Variants in LRRC14 observed in about 807,000 individuals in gnomAD.
The protein encoded by LRRC14 is leucine rich repeat containing 14.
In LRRC14, 16 loss-of-function variants were observed where a neutral mutation model predicts 25.3. The ratio of observed to expected loss-of-function variants is 0.63; its 90% CI spans 0.43 to 0.96. LRRC14 has a LOEUF of 0.96. LRRC14 is among the 40% of genes least tolerant of loss of function. The pLI is 0.00. For missense variants in LRRC14, 594 were observed against 660.5 expected, an observed-to-expected ratio of 0.90 and a Z score of 1.10; for synonymous variants, 359 against 295.1, an observed-to-expected ratio of 1.22 and a Z score of -2.22.
At position 144,522,551 on chromosome 8, in the gene LRRC14, G is replaced by A. The variant is rs1397012465; in HGVS notation, c.*1073G>A. 6.5e-7 allele frequency: 1 copy of A among 1,535,510 alleles called. No individual in the cohort carries two copies. The highest frequency in any genetic ancestry group is 1.2e-5 in the South Asian group (1 of 82,284). On this transcript the variant is annotated 3_prime_UTR_variant, in exon 4 of 4. Coordinates refer to ENST00000292524, the MANE Select transcript of LRRC14 (RefSeq NM_014665.4). The stretch of plus-strand genomic sequence containing the variant: ...CGCCCCCTGTTCCGGGCCGCAGTCA[G>A]CGGGCGCCTCCGCCGGACCCTCGGC...
In LRRC14 at chr8:144,521,106, G is replaced by C; in HGVS notation, c.1110G>C (p.Leu370=). 6.2e-7 allele frequency: 1 copy of C among 1,613,092 alleles called. No homozygotes were observed. The highest frequency in any genetic ancestry group is 8.5e-7 in the Non-Finnish European group (1 of 1,180,034). ...CATCAGCAGCCACACTGTTGCATCT[G>C]GAGCTGACTGAGTGTCAGCTCGCAG... ...LQASAATLLH[L]ELTECQLADT... The change falls in exon 4 of 4, where the codon CTG becomes CTC. Residue 370 remains leucine, a synonymous_variant. Coordinates refer to ENST00000292524, the MANE Select transcript of LRRC14 (RefSeq NM_014665.4).
Position 144,524,720 on chromosome 8 carries a change from C to G in LRRC14, c.*3242C>G. On this transcript the variant is annotated 3_prime_UTR_variant, in exon 4 of 4. Transcript: ENST00000292524. ...TGTTGTTGTCCTGCAGGAACAGTGT[C>G]TGCAGGCCGGGGAAAGAGGAGGCGC... 6.9e-7 allele frequency: 1 copy of G among 1,448,894 alleles called. No individual in the cohort carries two copies. Among genetic ancestry groups the G allele is most frequent in the Non-Finnish European group, 9.0e-7 (1 of 1,108,314 alleles). The allele number at this position is 1,448,894 out of a possible 1,614,324, so 89.8% of individuals were successfully genotyped here. A position where few individuals can be genotyped will look rare whatever the true frequency, so the allele number is the denominator to read the frequency against.
rs1162044407 is a variant in LRRC14, at chr8:144,521,664, G to C, written c.*186G>C. ...TGCAGTGCCCCACGCGGTTTTCCCTGCACTTGCTCCATAATTGGCTGATCA... is the reference window on the plus strand; with the variant it reads ...TGCAGTGCCCCACGCGGTTTTCCCTCCACTTGCTCCATAATTGGCTGATCA... On this transcript the variant is annotated 3_prime_UTR_variant, in exon 4 of 4. Coordinates refer to ENST00000292524, the MANE Select transcript of LRRC14 (RefSeq NM_014665.4). 16 of 619,692 alleles carry C rather than the reference G, an allele frequency of 2.6e-5. No individual in the cohort carries two copies. Among genetic ancestry groups the C allele is most frequent in the South Asian group, 1.4e-4 (7 of 49,018 alleles). 38.4% of individuals were successfully genotyped at this position (619,692 alleles called of 1,614,324 possible). A position where few individuals can be genotyped will look rare whatever the true frequency, so the allele number is the denominator to read the frequency against.
rs1816316652 is a variant in LRRC14, at chr8:144,525,140, A to AAAC, written c.*3663_*3665dup. ...TTTTGACGCTATAAATAGGTTCAAGAAACTAATAAAACGTTCTGGTTTTCT... is the reference window on the plus strand; with the variant it reads ...TTTTGACGCTATAAATAGGTTCAAGAAACAACTAATAAAACGTTCTGGTTTTCT... On this transcript the variant is annotated 3_prime_UTR_variant, in exon 4 of 4. Coordinates refer to ENST00000292524, the MANE Select transcript of LRRC14 (RefSeq NM_014665.4). The AAAC allele has an allele frequency of 1.6e-6, 1 of 628,242 alleles. No individual in the cohort carries two copies. The highest frequency in any genetic ancestry group is 3.4e-5 in the East Asian group (1 of 29,432). The allele number at this position is 628,242 out of a possible 1,614,324, so 38.9% of individuals were successfully genotyped here. A position where few individuals can be genotyped will look rare whatever the true frequency, so the allele number is the denominator to read the frequency against.
chr8:144,522,341 G>T lies in LRRC14; in HGVS notation c.*863G>T. 7.8e-7 allele frequency: 1 copy of T among 1,279,446 alleles called. No homozygotes were observed. Among genetic ancestry groups the T allele is most frequent in the Non-Finnish European group, 1.0e-6 (1 of 997,990 alleles). The allele number at this position is 1,279,446 out of a possible 1,614,324, so 79.3% of individuals were successfully genotyped here. On this transcript the variant is annotated 3_prime_UTR_variant, in exon 4 of 4. Coordinates refer to ENST00000292524, the MANE Select transcript of LRRC14 (RefSeq NM_014665.4). ...CTTCCATTGCTACCCCAGGATTCCC[G>T]AGTGCAACGTTCCCGGCTCGCGCCC...
At position 144,524,755 on chromosome 8, in the gene LRRC14, T is replaced by G; in HGVS notation, c.*3277T>G. On this transcript the variant is annotated 3_prime_UTR_variant, in exon 4 of 4. Coordinates refer to ENST00000292524, the MANE Select transcript of LRRC14 (RefSeq NM_014665.4). ...GGGAAAGAGGAGGCGCTTACCCCGTTGCGGGGGTCTTCCTCTCCCTGGGGG... is the reference window on the plus strand; with the variant it reads ...GGGAAAGAGGAGGCGCTTACCCCGTGGCGGGGGTCTTCCTCTCCCTGGGGG... The G allele has an allele frequency of 7.0e-7, 1 of 1,434,066 alleles. No homozygotes were observed. Among genetic ancestry groups the G allele is most frequent in the Non-Finnish European group, 9.1e-7 (1 of 1,099,464 alleles). 88.8% of individuals were successfully genotyped at this position (1,434,066 alleles called of 1,614,324 possible).
chr8:144,522,034 G>GTT lies in LRRC14; in HGVS notation c.*564_*565dup. ...GTGCCTGGAAGTTGAATTTGTGGCT[G>GTT]TTTTTTTTTCTGTCCACGTTGGTCA... On this transcript the variant is annotated 3_prime_UTR_variant, in exon 4 of 4. Coordinates refer to ENST00000292524, the MANE Select transcript of LRRC14 (RefSeq NM_014665.4). The GTT allele has an allele frequency of 2.8e-5, 5 of 178,860 alleles. No individual in the cohort carries two copies. The highest frequency in any genetic ancestry group is 5.8e-5 in the Non-Finnish European group (5 of 86,596). The allele number at this position is 178,860 out of a possible 1,614,324, so 11.1% of individuals were successfully genotyped here.
Position 144,522,704 on chromosome 8 carries a change from GGCCCCCGC to G in LRRC14, c.*1230_*1237del, listed in dbSNP as rs756767740. On this transcript the variant is annotated 3_prime_UTR_variant, in exon 4 of 4. Transcript: ENST00000292524. ...GACGAACAGCGCTCCCTCCCCCGGA[GGCCCCCGC>G]GCCTTTTTTCGCCTGCGGCGCCGGC... 1 of 1,596,740 alleles carries G rather than the reference GGCCCCCGC, an allele frequency of 6.3e-7. No individual in the cohort carries two copies. Among genetic ancestry groups the G allele is most frequent in the South Asian group, 1.1e-5 (1 of 88,806 alleles).
Position 144,521,626 on chromosome 8 carries a change from C to A in LRRC14, c.*148C>A. Reference sequence around the variant, plus strand: ...CCTTGCTTCTGGGCACACCTCAAGCCTCCCCTGCTTTCTGCAGTGCCCCAC... The same window carrying A: ...CCTTGCTTCTGGGCACACCTCAAGCATCCCCTGCTTTCTGCAGTGCCCCAC... On this transcript the variant is annotated 3_prime_UTR_variant, in exon 4 of 4. Coordinates refer to ENST00000292524, the MANE Select transcript of LRRC14 (RefSeq NM_014665.4). 2.5e-6 allele frequency: 2 copies of A among 784,988 alleles called. No individual in the cohort carries two copies. The highest frequency in any genetic ancestry group is 4.0e-6 in the Non-Finnish European group (2 of 505,932). 48.6% of individuals were successfully genotyped at this position (784,988 alleles called of 1,614,324 possible).
In LRRC14 at chr8:144,522,216, G is replaced by T; in HGVS notation, c.*738G>T. 2.3e-6 allele frequency: 1 copy of T among 436,072 alleles called. No homozygotes were observed. The highest frequency in any genetic ancestry group is 3.8e-6 in the Non-Finnish European group (1 of 261,918). The allele number at this position is 436,072 out of a possible 1,614,324, so 27.0% of individuals were successfully genotyped here. On this transcript the variant is annotated 3_prime_UTR_variant, in exon 4 of 4. Transcript: ENST00000292524. ...GGAGGCCCAAGATCCTACTGTGGCC[G>T]GCCAGGGCCAGCGAGGGACCCCCCC...
rs1816314277 is a variant in LRRC14 at position 144,525,091 on chromosome 8, T to G, written c.*3613T>G. ...GTCGAGAGCCAGCCAATAGATGGAATGGAGGCCTGCACCTGCGTCTAACTT... is the reference window on the plus strand; with the variant it reads ...GTCGAGAGCCAGCCAATAGATGGAAGGGAGGCCTGCACCTGCGTCTAACTT... On this transcript the variant is annotated 3_prime_UTR_variant, in exon 4 of 4. Transcript: ENST00000292524. 8.5e-7 allele frequency: 1 copy of G among 1,169,616 alleles called. No homozygotes were observed. The highest frequency in any genetic ancestry group is 1.1e-6 in the Non-Finnish European group (1 of 898,250). 72.5% of individuals were successfully genotyped at this position (1,169,616 alleles called of 1,614,324 possible). A position where few individuals can be genotyped will look rare whatever the true frequency, so the allele number is the denominator to read the frequency against.
Position 144,519,948 on chromosome 8 carries a change from C to A in LRRC14, c.223C>A (p.Leu75Ile). Residue 75 changes from leucine (L) to isoleucine (I), a missense_variant, in exon 2 of 4, where the codon CTC becomes ATC. By Grantham distance (5) the Leu-to-Ile change is conservative. Transcript: ENST00000292524. Reference sequence around the variant, plus strand: ...GGAGTGTGCCCACTGCAGCCGTGCCCTCCTGCAGGAGCGGCCTAGCACTGA... The same window carrying A: ...GGAGTGTGCCCACTGCAGCCGTGCCATCCTGCAGGAGCGGCCTAGCACTGA... ...LQECAHCSRA[L>I]LQERPSTESM... 6.2e-7 allele frequency: 1 copy of A among 1,613,200 alleles called. No individual in the cohort carries two copies. The highest frequency in any genetic ancestry group is 2.2e-5 in the East Asian group (1 of 44,888).
chr8:144,523,019 C>G lies in LRRC14; in HGVS notation c.*1541C>G. On this transcript the variant is annotated 3_prime_UTR_variant, in exon 4 of 4. Transcript: ENST00000292524. ...ACCGGCGTGCGCCAGCGTGATGTTG[C>G]TGAGGAAGAGCATGCCGCTGCCCGT... 1 of 1,598,444 alleles carries G rather than the reference C, an allele frequency of 6.3e-7. No homozygotes were observed. The highest frequency in any genetic ancestry group is 1.3e-5 in the African/African-American group (1 of 74,644).
At chr8:144,518,441 C>T (rs1815616712) in intron 1 of LRRC14, 1 of 152,302 alleles carries the variant, frequency 6.6e-6, no homozygotes, top group African/African-American at 2.4e-5. Context: ...GGGCGTCGCA[C>T]GGAGGTGCCT....
At position 144,522,343 on chromosome 8, in the gene LRRC14, G is replaced by A. The variant is rs1586852471; in HGVS notation, c.*865G>A. The A allele has an allele frequency of 1.5e-6, 2 of 1,290,716 alleles. No homozygotes were observed. The highest frequency in any genetic ancestry group is 2.0e-6 in the Non-Finnish European group (2 of 1,008,288). 80.0% of individuals were successfully genotyped at this position (1,290,716 alleles called of 1,614,324 possible). A position where few individuals can be genotyped will look rare whatever the true frequency, so the allele number is the denominator to read the frequency against. ...TCCATTGCTACCCCAGGATTCCCGA[G>A]TGCAACGTTCCCGGCTCGCGCCCCA... On this transcript the variant is annotated 3_prime_UTR_variant, in exon 4 of 4. Coordinates refer to ENST00000292524, the MANE Select transcript of LRRC14 (RefSeq NM_014665.4).
Position 144,523,432 on chromosome 8 carries a change from A to G in LRRC14, c.*1954A>G, listed in dbSNP as rs1564824405. On this transcript the variant is annotated 3_prime_UTR_variant, in exon 4 of 4. Coordinates refer to ENST00000292524, the MANE Select transcript of LRRC14 (RefSeq NM_014665.4). ...TCTCTGTGGGAGAGCAGCGTTAGGC[A>G]GGTGGCTTGAGGGTGCTGCTAAAAC... The G allele has an allele frequency of 4.0e-6, 6 of 1,509,508 alleles. 1 individual carries two copies. In the South Asian group the frequency reaches 6.6e-5, roughly 17 times the overall value. The allele number at this position is 1,509,508 out of a possible 1,614,324, so 93.5% of individuals were successfully genotyped here.
Position 144,523,041 on chromosome 8 carries a change from C to T in LRRC14, c.*1563C>T, listed in dbSNP as rs1051555903. 6.2e-6 allele frequency: 10 copies of T among 1,602,408 alleles called. No homozygotes were observed. The highest frequency in any genetic ancestry group is 2.7e-5 in the African/African-American group (2 of 74,618). On this transcript the variant is annotated 3_prime_UTR_variant, in exon 4 of 4. Transcript: ENST00000292524. Reference sequence around the variant, plus strand: ...TTGCTGAGGAAGAGCATGCCGCTGCCCGTGTCGGATGCCGAGTGTCCGCCC... The same window carrying T: ...TTGCTGAGGAAGAGCATGCCGCTGCTCGTGTCGGATGCCGAGTGTCCGCCC...
Position 144,522,470 on chromosome 8 carries a change from C to T in LRRC14, c.*992C>T, listed in dbSNP as rs1214482242. 2 of 1,422,482 alleles carry T rather than the reference C, an allele frequency of 1.4e-6. No homozygotes were observed. Among genetic ancestry groups the T allele is most frequent in the East Asian group, 2.9e-5 (1 of 34,156 alleles). 88.1% of individuals were successfully genotyped at this position (1,422,482 alleles called of 1,614,324 possible). On this transcript the variant is annotated 3_prime_UTR_variant, in exon 4 of 4. Transcript: ENST00000292524. ...GGCGCCCACGTCATCCGCGCGCCCG[C>T]GGCCCTAGCAGTGGATCTCGTAGGC...
chr8:144,518,713 G>T (rs912765024), intron 1 of LRRC14: 4 of 152,252 alleles, frequency 2.6e-5, no homozygotes, highest in African/African-American at 7.2e-5. Context: ...GTGACCTTGG[G>T]CCAGGCCGAG....
Sources: allele counts gnomAD v4.1 joint callset, GRCh38; gene constraint gnomAD v4.1.1; transcripts MANE v1.5; gene names NCBI Gene and HGNC (gene_info 2026-07-23, HGNC 2026-07-21).